Variants in LVRN observed in about 807,000 individuals in gnomAD.
LVRN encodes the protein laeverin.
LVRN carries 99 observed loss-of-function variants against 111.4 expected under a neutral mutation model. The observed-to-expected ratio is 0.89, with a 90% CI of 0.76 to 1.05. LVRN has a LOEUF of 1.05. Ranked by LOEUF, LVRN falls within the 50% of genes least tolerant of loss-of-function variation. LVRN has a pLI of 0.00. For missense variants in LVRN, 1,414 were observed against 1,206.8 expected (o/e 1.17, Z -2.54); for synonymous variants, 488 against 449.5 (o/e 1.09, Z -1.08).
At chr5:116,014,344 A>G in intron 15 of LVRN, 76 bp from the exon 16 acceptor site, 1 of 1,028,588 alleles carries the variant, frequency 9.7e-7, no homozygotes, top group Non-Finnish European at 1.5e-6. Flanking sequence ...TTTTTATGAA[A>G]CACATATTCT....
chr5:115,993,683 G>T, intron 5 of LVRN, 58 bp from the exon 6 acceptor site: 2 of 1,133,136 alleles, frequency 1.8e-6, no homozygotes, highest in Non-Finnish European at 2.6e-6. Context: ...CAATTACAAC[G>T]AATATAACTT....
chr5:116,025,954 T>C (rs1186037611), intron 19 of LVRN, 24 bp from the exon 20 acceptor site: 1 of 1,612,892 alleles, frequency 6.2e-7, no homozygotes, highest in Middle Eastern at 1.7e-4. Flanking sequence ...ATTGCACTGA[T>C]CATCTGTCTC....
intron 1 of LVRN, among the ~76,000 whole-genome samples, chr5:115,965,767 C>G (rs747353035): frequency 1.3e-5 from 2 of 152,042 alleles, no homozygotes; most frequent in African/African-American, 4.8e-5. Context: ...GTCTTGCTGC[C>G]CTGTGAAGAA....
chr5:115,987,884 C>T lies in LVRN; in HGVS notation c.1050C>T (p.Pro350=). The T allele has an allele frequency of 6.2e-7, 1 of 1,613,338 alleles. No individual in the cohort carries two copies. Among genetic ancestry groups the T allele is most frequent in the Non-Finnish European group, 8.5e-7 (1 of 1,179,570 alleles). ...ACTTTGCTTTGAACATCACAGGTCCCATCTTCTCTTTTCTGGAGGATTTGT... is the reference window on the plus strand; with the variant it reads ...ACTTTGCTTTGAACATCACAGGTCCTATCTTCTCTTTTCTGGAGGATTTGT... ...SADFALNITG[P]IFSFLEDLFN... Residue 350 remains proline, a synonymous_variant, in exon 4 of 20, where the codon CCC becomes CCT. Transcript: ENST00000357872.
intron 15 of LVRN, 91 bp from the exon 16 acceptor site, chr5:116,014,329 C>A: frequency 4.6e-6 from 4 of 876,048 alleles, no homozygotes; most frequent in Non-Finnish European, 7.1e-6. Flanking sequence ...TTAAAAATAC[C>A]CATCTTTTTA....
chr5:115,972,155 A>G (rs1281141885), intron 1 of LVRN, among the ~76,000 whole-genome samples: 2 of 152,128 alleles, frequency 1.3e-5, no homozygotes, highest in Admixed American at 1.3e-4. Context: ...AGTTTGATAT[A>G]TATAAGGAAA....
Position 115,999,783 on chromosome 5 carries a change from A to G in LVRN, c.1396A>G (p.Ile466Val). 1 of 1,612,602 alleles carries G rather than the reference A, an allele frequency of 6.2e-7. No individual in the cohort carries two copies. Among genetic ancestry groups the G allele is most frequent in the Non-Finnish European group, 8.5e-7 (1 of 1,179,430 alleles). The part of the protein sequence containing the change: ...LPRNEIFFSN[I>V]LHNILREDHA... ...ATAGAATGAGATCTTTTTTTCTAACATTTTACATAATATCCTCAGAGAAGA... is the reference window on the plus strand; with the variant it reads ...ATAGAATGAGATCTTTTTTTCTAACGTTTTACATAATATCCTCAGAGAAGA... The change falls in exon 7 of 20, where the codon ATT becomes GTT. Residue 466 changes from isoleucine (I) to valine (V), a missense_variant. Transcript: ENST00000357872.
chr5:116,018,028 AG>A (rs1488460248), intron 18 of LVRN, among the ~76,000 whole-genome samples: 4 of 152,174 alleles, frequency 2.6e-5, no homozygotes, highest in African/African-American at 9.7e-5. Flanking sequence ...TGGGAGGCCA[AG>A]GCAGGACGAT....
Position 115,974,869 on chromosome 5 carries a change from C to G in LVRN, c.696-8418C>G, listed in dbSNP as rs78607105. On this transcript the variant is annotated intron_variant, in intron 1 of 19. Transcript: ENST00000357872. ...TTTAACATTCTCTAATGCTCTCTCC[C>G]GACCAATCTCTCTGTTCTGTATCAC... 445 of 408,412 alleles carry G rather than the reference C, an allele frequency of 1.1e-3. 4 individuals are homozygous for G. Among genetic ancestry groups the G allele is most frequent in the African/African-American group, 7.7e-3 (368 of 47,870 alleles). The allele number at this position is 408,412 out of a possible 1,614,324, so 25.3% of individuals were successfully genotyped here. A position where few individuals can be genotyped will look rare whatever the true frequency, so the allele number is the denominator to read the frequency against.
At chr5:115,967,174 T>A (rs192780840) in intron 1 of LVRN, among the ~76,000 whole-genome samples, 25 of 152,252 alleles carry the variant, frequency 1.6e-4, no homozygotes, top group African/African-American at 5.5e-4. Context: ...GAAGTCCAAT[T>A]TGTCTATTTT....
chr5:115,987,755 A>G, intron 3 of LVRN, 58 bp from the exon 4 acceptor site: 1 of 1,565,008 alleles, frequency 6.4e-7, no homozygotes, highest in Non-Finnish European at 8.7e-7. Context: ...CAAGCAGACT[A>G]CCTCTTTCCA....
intron 18 of LVRN, chr5:116,020,124 T>C (rs568724565): frequency 6.6e-6 from 1 of 152,362 alleles, no homozygotes; most frequent in East Asian, 1.9e-4. Context: ...GGTCTTGGTC[T>C]TGCCCCTCAC....
At chr5:115,996,500 T>G (rs962814089) in intron 6 of LVRN, among the ~76,000 whole-genome samples, 7 of 152,256 alleles carry the variant, frequency 4.6e-5, no homozygotes, top group African/African-American at 1.7e-4. Flanking sequence ...GCTTAAGCTC[T>G]CCTTTCAATG....
In LVRN at chr5:116,010,880, T is replaced by C. The variant is rs1748475339; in HGVS notation, c.2233T>C (p.Tyr745His). The C allele has an allele frequency of 3.2e-6, 5 of 1,579,152 alleles. No individual in the cohort carries two copies. The highest frequency in any genetic ancestry group is 4.3e-6 in the Non-Finnish European group (5 of 1,166,706). Reference protein sequence around the residue: ...LVSEVNIYDIYSLLKRYLLKR... With the variant: ...LVSEVNIYDIHSLLKRYLLKR... ...TTCTGAGGTGAACATCTATGATATA[T>C]ACTCATTATTAAAGGTAATTTCATT... Residue 745 changes from tyrosine to histidine, a missense_variant, in exon 14 of 20, where the codon TAC becomes CAC. Physicochemically the swap from Tyr to His is moderately conservative, Grantham distance 83 (BLOSUM62 2). Transcript: ENST00000357872.
At chr5:116,006,783 G>A (rs1215959219) in intron 13 of LVRN, among the ~76,000 whole-genome samples, 1 of 152,162 alleles carries the variant, frequency 6.6e-6, no homozygotes, top group Non-Finnish European at 1.5e-5. Flanking sequence ...GTTTGCGGAA[G>A]GACATGTTGA....
At chr5:115,999,688 T>C in intron 6 of LVRN, 74 bp from the exon 7 acceptor site, 1 of 1,503,384 alleles carries the variant, frequency 6.7e-7, no homozygotes, top group Admixed American at 2.0e-5. Context: ...TTTTTGAAAG[T>C]ATTTTAGGGC....
intron 2 of LVRN, 87 bp from the exon 3 acceptor site, chr5:115,984,483 C>A: frequency 6.8e-7 from 1 of 1,468,068 alleles, no homozygotes; most frequent in Admixed American, 1.9e-5. Flanking sequence ...AAAGGAGTAG[C>A]TGGGTGACAA....
chr5:115,968,819 G>A (rs1753258512), intron 1 of LVRN, among the ~76,000 whole-genome samples: 1 of 152,170 alleles, frequency 6.6e-6, no homozygotes, highest in African/African-American at 2.4e-5. Context: ...TGGAGAATGG[G>A]CAAGTGTGAC....
chr5:115,970,401 T>TTTTGG (rs1753297492), intron 1 of LVRN, among the ~76,000 whole-genome samples: 1 of 140,458 alleles, frequency 7.1e-6, no homozygotes, highest in Non-Finnish European at 1.6e-5. Context: ...TTTTTTTTTT[T>TTTTGG]GAGACGGAGT....
Sources: gnomAD v4.1 joint callset for allele counts (sites outside exome capture counted in the v4.1 genomes callset) on GRCh38, gnomAD v4.1.1 for gene constraint, MANE v1.5 for transcripts, NCBI Gene and HGNC (gene_info 2026-07-23, HGNC 2026-07-21) for gene names.